The following CDK13 variants were observed in gnomAD, a reference collection of about 807,000 sequenced individuals.
CDK13 encodes cyclin dependent kinase 13.
In CDK13, 40 loss-of-function variants were observed where a neutral mutation model predicts 137.6. The observed-to-expected ratio is 0.29, with a 90% CI of 0.23 to 0.38. CDK13 has a LOEUF of 0.38. CDK13 is among the 10% of genes least tolerant of loss of function. CDK13 has a pLI of 1.00. For synonymous variants in CDK13, 869 were observed against 760.1 expected (o/e 1.14, Z -2.36); for missense variants, 1,704 against 1,951.8 (o/e 0.87, Z 2.39).
At chr7:40,031,758 G>A (rs1013634813) in intron 5 of CDK13, among the ~76,000 whole-genome samples, 4 of 151,170 alleles carry the variant, frequency 2.6e-5, no homozygotes, top group African/African-American at 4.8e-5. Context: ...TGATCCTCCC[G>A]CCTCAGCCTC....
intron 11 of CDK13, among the ~76,000 whole-genome samples, chr7:40,080,075 C>T (rs6958792): frequency 0.11 from 17,047 of 152,216 alleles, 3,139 homozygotes; most frequent in African/African-American, 0.38. Context: ...ACAACCTCTG[C>T]GTCTCAGGTT....
Position 39,950,536 on chromosome 7 carries a change from C to G in CDK13, c.-106C>G. On this transcript the variant is annotated 5_prime_UTR_variant, in exon 1 of 14. Transcript: ENST00000181839. ...GCGCTTTTCCCGGCCGGCTCTGGTG[C>G]TCGGTGTCCCTCCGCCGCCGCTCCC... is the stretch of plus-strand genomic sequence containing the variant. 3.1e-6 allele frequency: 4 copies of G among 1,270,102 alleles called. No homozygotes were observed. The highest frequency in any genetic ancestry group is 3.0e-6 in the Non-Finnish European group (3 of 1,008,598). The allele number at this position is 1,270,102 out of a possible 1,614,324, so 78.7% of individuals were successfully genotyped here.
At chr7:40,044,317 CT>C (rs538722742) in intron 5 of CDK13, among the ~76,000 whole-genome samples, 86 of 144,296 alleles carry the variant, frequency 6.0e-4, no homozygotes, top group African/African-American at 7.2e-4. Context: ...AAGTCTTTTG[CT>C]TTTTTTTTTT....
chr7:39,950,585 G>A lies in CDK13; in HGVS notation c.-57G>A. On this transcript the variant is annotated 5_prime_UTR_variant, in exon 1 of 14. Coordinates refer to ENST00000181839, the MANE Select transcript of CDK13 (RefSeq NM_003718.5). ...CCGTTTCCGGCGGGGGAGATGGCCA[G>A]GATCTGACCCGGGAGGAGGCCGCAC... 3.1e-6 allele frequency: 4 copies of A among 1,284,134 alleles called. No individual in the cohort carries two copies. In the African/African-American group the frequency reaches 4.6e-5, roughly 15 times the overall value. The allele number at this position is 1,284,134 out of a possible 1,614,324, so 79.5% of individuals were successfully genotyped here.
intron 2 of CDK13, among the ~76,000 whole-genome samples, chr7:39,995,121 C>T (rs73127853): frequency 0.021 from 3,116 of 151,574 alleles, 46 homozygotes; most frequent in Middle Eastern, 0.082. Context: ...ATTTTTGTTG[C>T]TGGGGTGTAT....
At chr7:40,031,713 A>T (rs1584015087) in intron 5 of CDK13, among the ~76,000 whole-genome samples, 2 of 151,654 alleles carry the variant, frequency 1.3e-5, no homozygotes, top group Non-Finnish European at 2.9e-5. Context: ...TGGCACAATC[A>T]TGGCTTACTG....
At chr7:40,034,153 G>C (rs1202864521) in intron 5 of CDK13, among the ~76,000 whole-genome samples, 1 of 152,156 alleles carries the variant, frequency 6.6e-6, no homozygotes, top group East Asian at 1.9e-4. Flanking sequence ...ACAGGGTCCT[G>C]CTGTAGTTTT....
chr7:40,036,620 A>G (rs1250313807), intron 5 of CDK13, among the ~76,000 whole-genome samples: 1 of 152,036 alleles, frequency 6.6e-6, no homozygotes, highest in African/African-American at 2.4e-5. Context: ...AAAGTAGAGG[A>G]AATAGTATAA....
At chr7:40,078,560 G>A in intron 10 of CDK13, 160 bp from the exon 11 acceptor site, 1 of 328,442 alleles carries the variant, frequency 3.0e-6, no homozygotes, top group Non-Finnish European at 5.3e-6. Context: ...CGGATTTATT[G>A]AAGTAAAGTA....
intron 6 of CDK13, among the ~76,000 whole-genome samples, chr7:40,047,041 T>C (rs991019969): frequency 2.4e-4 from 35 of 144,784 alleles, no homozygotes; most frequent in African/African-American, 8.7e-4. Context: ...AAAAATCTAA[T>C]AATAGTCTGT....
intron 5 of CDK13, among the ~76,000 whole-genome samples, chr7:40,037,741 G>T (rs1475539877): frequency 6.6e-6 from 1 of 152,124 alleles, no homozygotes; most frequent in Non-Finnish European, 1.5e-5. Context: ...AAAAGCCCTG[G>T]TTCCTAAAAT....
intron 7 of CDK13, among the ~76,000 whole-genome samples, chr7:40,052,194 TGAGACG>T (rs1243997964): frequency 6.6e-6 from 1 of 152,242 alleles, no homozygotes; most frequent in African/African-American, 2.4e-5. Context: ...TTTATATTTA[TGAGACG>T]GAGTCTCACT....
At chr7:40,065,250 A>G (rs900165333) in intron 9 of CDK13, among the ~76,000 whole-genome samples, 1 of 152,044 alleles carries the variant, frequency 6.6e-6, no homozygotes, top group South Asian at 2.1e-4. Flanking sequence ...ATTCTCTAAA[A>G]TAGAATAAAA....
intron 10 of CDK13, 158 bp from the exon 11 acceptor site, chr7:40,078,562 A>AGT (rs1229928722): frequency 1.2e-5 from 4 of 332,440 alleles, no homozygotes; most frequent in Admixed American, 4.7e-5. Flanking sequence ...GATTTATTGA[A>AGT]GTAAAGTATT....
rs1335018442 is a variant in CDK13, at chr7:40,073,896, T to A, written c.2781-4109T>A. On this transcript the variant is annotated intron_variant, in intron 9 of 13. Transcript: ENST00000181839. ...TGAGCAACCGTGCCTGGCCTTTCTT[T>A]TTTTCCTTTTTTTTTTTTTTTTAAG... Among the ~76,000 whole-genome samples the A allele has an allele frequency of 2.0e-5, 3 of 150,274 alleles. No individual in the cohort carries two copies. In the East Asian group the frequency reaches 5.9e-4, roughly 30 times the overall value.
intron 1 of CDK13, among the ~76,000 whole-genome samples, chr7:39,981,280 C>T (rs890741699): frequency 2.0e-5 from 3 of 151,582 alleles, no homozygotes; most frequent in Admixed American, 1.3e-4. Context: ...GGAGGTGGGA[C>T]GATCACTTGA....
At chr7:40,061,662 G>A (rs1409922388) in intron 7 of CDK13, 1 of 152,174 alleles carries the variant, frequency 6.6e-6, no homozygotes, top group East Asian at 1.9e-4. Flanking sequence ...ATAAAGAGAT[G>A]TTTATAGCTG....
chr7:39,973,146 CT>C (rs1180046510), intron 1 of CDK13, among the ~76,000 whole-genome samples: 1 of 151,860 alleles, frequency 6.6e-6, no homozygotes, highest in Non-Finnish European at 1.5e-5. Flanking sequence ...ACTACCCCCT[CT>C]TTTTTTTGAG....
At chr7:40,061,134 G>A (rs1464945036) in intron 7 of CDK13, 2 of 151,386 alleles carry the variant, frequency 1.3e-5, no homozygotes, top group African/African-American at 4.8e-5. Context: ...GAATTACTAA[G>A]TTCAGTTTAA....
Sources: allele counts gnomAD v4.1 joint callset (sites outside exome capture counted in the v4.1 genomes callset), GRCh38; gene constraint gnomAD v4.1.1; transcripts MANE v1.5; gene names NCBI Gene and HGNC (gene_info 2026-07-23, HGNC 2026-07-21).